Variants in SLC22A3 observed in about 807,000 individuals in gnomAD.
SLC22A3 encodes the protein EMT organic cation transporter 3.
SLC22A3 carries 51 observed loss-of-function variants against 59.1 expected under a neutral mutation model. That is an observed-to-expected ratio of 0.86 (90% CI 0.69 to 1.09). The LOEUF is 1.09. Among genes scored for constraint, SLC22A3 ranks in the 50% least tolerant of loss-of-function variants. SLC22A3 has a pLI of 0.00. For synonymous variants in SLC22A3, 325 were observed against 292.0 expected (o/e 1.11, Z -1.15); for missense variants, 711 against 726.3 (o/e 0.98, Z 0.24).
chr6:160,417,151 C>T (rs1285638220), intron 5 of SLC22A3, among the ~76,000 whole-genome samples: 1 of 152,212 alleles, frequency 6.6e-6, no homozygotes, highest in Admixed American at 6.5e-5. Flanking sequence ...CAGTGTCAGG[C>T]TTGGCCACCT....
At chr6:160,431,746 T>C (rs191931332) in intron 5 of SLC22A3, among the ~76,000 whole-genome samples, 1 of 152,298 alleles carries the variant, frequency 6.6e-6, no homozygotes, top group East Asian at 1.9e-4. Context: ...AAAAAAAAAT[T>C]GCCTAAAATA....
chr6:160,442,247 C>A (rs1287949377), intron 7 of SLC22A3, among the ~76,000 whole-genome samples: 1 of 152,182 alleles, frequency 6.6e-6, no homozygotes, highest in Middle Eastern at 3.2e-3. Context: ...TCCAAAGATC[C>A]TGGTCCTCAA....
intron 1 of SLC22A3, among the ~76,000 whole-genome samples, chr6:160,367,761 T>C (rs917667783): frequency 5.3e-5 from 8 of 152,152 alleles, no homozygotes; most frequent in African/African-American, 1.4e-4. Flanking sequence ...GGGGCACTGT[T>C]ACGGGTGCTG....
Position 160,348,474 on chromosome 6 carries a change from A to C in SLC22A3, c.55A>C (p.Arg19=). Residue 19 remains arginine (R), a synonymous_variant, in exon 1 of 11, where the codon AGG becomes CGG. Transcript: ENST00000275300. The part of the protein sequence containing the change: ...QRVGEFGRFQ[R]RVFLLLCLTG... ...GGTGGGCGAGTTCGGGCGCTTCCAG[A>C]GGCGCGTGTTTTTGCTGCTGTGCCT... 2 of 1,548,554 alleles carry C rather than the reference A, an allele frequency of 1.3e-6. No individual in the cohort carries two copies. Among genetic ancestry groups the C allele is most frequent in the Non-Finnish European group, 1.7e-6 (2 of 1,152,778 alleles).
rs909151034 is a variant in SLC22A3, at chr6:160,353,725, G to A, written c.429+4877G>A. ...CACACAGGGTTTGGAATCAAAAGAC[G>A]AGGGTTGGAGTTCAGGAATTTTCCT... On this transcript the variant is annotated intron_variant, in intron 1 of 10. Transcript: ENST00000275300. Among the ~76,000 whole-genome samples, 15 of 152,234 alleles carry A rather than the reference G, an allele frequency of 9.9e-5. 1 individual carries two copies. The highest frequency in any genetic ancestry group is 3.1e-4 in the African/African-American group (13 of 41,540).
intron 2 of SLC22A3, among the ~76,000 whole-genome samples, chr6:160,405,540 A>G (rs575935394): frequency 2.6e-5 from 4 of 152,274 alleles, no homozygotes; most frequent in Admixed American, 6.5e-5. Flanking sequence ...TACTTTTACT[A>G]AATGATCCAG....
chr6:160,358,571 G>A (rs142832369), intron 1 of SLC22A3, among the ~76,000 whole-genome samples: 7 of 152,300 alleles, frequency 4.6e-5, no homozygotes, highest in South Asian at 2.1e-4. Context: ...GGTAGAGGTC[G>A]GAGCTACCAG....
intron 5 of SLC22A3, among the ~76,000 whole-genome samples, chr6:160,421,215 C>T (rs1033170838): frequency 6.6e-6 from 1 of 152,234 alleles, no homozygotes; most frequent in African/African-American, 2.4e-5. Flanking sequence ...GCAGGGCCAG[C>T]CCACGGAAAA....
chr6:160,409,690 G>T (rs1787168772), intron 4 of SLC22A3, among the ~76,000 whole-genome samples: 1 of 152,142 alleles, frequency 6.6e-6, no homozygotes, highest in African/African-American at 2.4e-5. Context: ...AATTTTTAGA[G>T]AATTTTAGGA....
intron 3 of SLC22A3, among the ~76,000 whole-genome samples, chr6:160,407,960 C>T (rs1358105885): frequency 6.6e-6 from 1 of 152,116 alleles, no homozygotes; most frequent in African/African-American, 2.4e-5. Flanking sequence ...ATTTTGGAGA[C>T]CCCTGAAGAC....
At chr6:160,386,828 G>T (rs1427555926) in intron 1 of SLC22A3, among the ~76,000 whole-genome samples, 1 of 152,258 alleles carries the variant, frequency 6.6e-6, no homozygotes, top group Non-Finnish European at 1.5e-5. Flanking sequence ...ACTGGAATCT[G>T]TGGAGAGGAT....
chr6:160,450,898 T>C (rs1459061517), intron 10 of SLC22A3, 98 bp from the exon 11 acceptor site: 1 of 1,164,276 alleles, frequency 8.6e-7, no homozygotes, highest in East Asian at 2.6e-5. Context: ...CATGAATGTA[T>C]TTGATCAAAA....
intron 3 of SLC22A3, among the ~76,000 whole-genome samples, chr6:160,408,199 A>C (rs1208019696): frequency 6.6e-6 from 1 of 152,196 alleles, no homozygotes; most frequent in Admixed American, 6.5e-5. Context: ...TTCAGCAATA[A>C]AATTTCCCAT....
At chr6:160,447,583 G>T in intron 9 of SLC22A3, 136 bp from the exon 10 acceptor site, 1 of 752,480 alleles carries the variant, frequency 1.3e-6, no homozygotes, top group Non-Finnish European at 2.4e-6. Flanking sequence ...CTGGGGCATT[G>T]ATCTGGGATG....
intron 1 of SLC22A3, among the ~76,000 whole-genome samples, chr6:160,391,067 T>A (rs1384103606): frequency 6.6e-6 from 1 of 152,202 alleles, no homozygotes; most frequent in African/African-American, 2.4e-5. Context: ...AAAGGATACC[T>A]GTCATTGGAC....
intron 5 of SLC22A3, among the ~76,000 whole-genome samples, chr6:160,414,121 T>G (rs1251985599): frequency 6.6e-6 from 1 of 152,240 alleles, no homozygotes; most frequent in Non-Finnish European, 1.5e-5. Context: ...AAGTTTAATA[T>G]TTCTGGCAAG....
intron 1 of SLC22A3, among the ~76,000 whole-genome samples, chr6:160,371,190 TTAATTA>T (rs1037057479): frequency 1.3e-5 from 2 of 152,196 alleles, no homozygotes; most frequent in African/African-American, 4.8e-5. Flanking sequence ...TTTTTATTTT[TTAATTA>T]TTATACTTTA....
rs918314841 is a variant in SLC22A3, at chr6:160,391,641, C to A, written c.430-6338C>A. ...AAGAGAACCCAGAACATATTTAGAA[C>A]CTTTCATCTTCTTCTCGTCTTTAGA... On this transcript the variant is annotated intron_variant, in intron 1 of 10. Coordinates refer to ENST00000275300, the MANE Select transcript of SLC22A3 (RefSeq NM_021977.4). 3.9e-5 allele frequency among the ~76,000 whole-genome samples: 6 copies of A among 152,284 alleles called. No individual in the cohort carries two copies. The Middle Eastern group carries it at 0.01, about 259-fold the overall frequency.
At chr6:160,348,917 C>A in intron 1 of SLC22A3, 69 bp downstream of exon 1, 1 of 1,533,384 alleles carries the variant, frequency 6.5e-7, no homozygotes, top group South Asian at 1.2e-5. Flanking sequence ...GGACAAGCCG[C>A]GTGTGAGACG....
Sources: allele counts gnomAD v4.1 joint callset (sites outside exome capture counted in the v4.1 genomes callset), GRCh38; gene constraint gnomAD v4.1.1; transcripts MANE v1.5; gene names NCBI Gene and HGNC (gene_info 2026-07-23, HGNC 2026-07-21).